IGSF11: variants seen among roughly 807,000 people sequenced by gnomAD.
IGSF11 encodes CXADR like 1.
In IGSF11, 22 loss-of-function variants were observed where a neutral mutation model predicts 41.0. That is an observed-to-expected ratio of 0.54 (90% CI 0.38 to 0.77). The LOEUF is 0.77. IGSF11 is among the 30% of genes least tolerant of loss of function. The pLI is 0.00. For missense variants in IGSF11, 444 were observed against 530.8 expected, an observed-to-expected ratio of 0.84 and a Z score of 1.61; for synonymous variants, 219 against 201.3, an observed-to-expected ratio of 1.09 and a Z score of -0.74.
intron 1 of IGSF11, among the ~76,000 whole-genome samples, chr3:119,118,543 C>T (rs937635286): frequency 1.3e-5 from 2 of 152,244 alleles, no homozygotes; most frequent in African/African-American, 4.8e-5. Context: ...GCCTCCAGGC[C>T]TCTGATGGGA....
chr3:119,110,221 G>T (rs1372895249), upstream of IGSF11, among the ~76,000 whole-genome samples: 1 of 152,064 alleles, frequency 6.6e-6, no homozygotes, highest in Non-Finnish European at 1.5e-5. Flanking sequence ...TTGTGTGGGA[G>T]TCTAAGTCTC....
At chr3:119,106,850 T>C (rs9854163), upstream of IGSF11, among the ~76,000 whole-genome samples, 25,556 of 152,064 alleles carry the variant, frequency 0.17, 2,625 homozygotes, top group Non-Finnish European at 0.24. Flanking sequence ...TGGTTTTTTG[T>C]CCTTGAGATA....
intron 1 of IGSF11, among the ~76,000 whole-genome samples, chr3:119,040,383 T>C (rs1229052166): frequency 6.6e-6 from 1 of 152,196 alleles, no homozygotes; most frequent in Non-Finnish European, 1.5e-5. Context: ...CTGGGGAGAC[T>C]GATTTGAGTA....
At chr3:119,102,654 G>T (rs1462513204) in intron 1 of IGSF11, among the ~76,000 whole-genome samples, 1 of 151,734 alleles carries the variant, frequency 6.6e-6, no homozygotes, top group Non-Finnish European at 1.5e-5. Context: ...GTTATATATT[G>T]GACCTCCTCA....
chr3:119,045,790 G>A (rs910128107), intron 1 of IGSF11, among the ~76,000 whole-genome samples: 17 of 152,014 alleles, frequency 1.1e-4, no homozygotes, highest in Admixed American at 7.9e-4. Flanking sequence ...CACGCAGCTG[G>A]AGATCTGAGA....
At chr3:118,997,530 C>A (rs112667344) in intron 1 of IGSF11, among the ~76,000 whole-genome samples, 10,897 of 141,270 alleles carry the variant, frequency 0.077, 437 homozygotes, top group East Asian at 0.13. Flanking sequence ...TCTGCTGCCC[C>A]CCCCCAGCCA....
chr3:118,925,567 G>A lies in IGSF11; in HGVS notation c.580+534C>T, dbSNP rs181093157. Reference sequence around the variant, plus strand: ...TAAATTTAAGCAGCTGGGTTTACACGTAGAAATCATCCATGACCCTCAGTC... The same window carrying A: ...TAAATTTAAGCAGCTGGGTTTACACATAGAAATCATCCATGACCCTCAGTC... On this transcript the variant is annotated intron_variant, in intron 4 of 6. Coordinates refer to ENST00000393775, the MANE Select transcript of IGSF11 (RefSeq NM_001015887.3). Among the ~76,000 whole-genome samples, 15 of 152,200 alleles carry A rather than the reference G, an allele frequency of 9.9e-5. 1 individual carries two copies. The East Asian group carries it at 1.2e-3, about 12-fold the overall frequency.
intron 4 of IGSF11, among the ~76,000 whole-genome samples, chr3:118,912,851 T>C (rs1003668407): frequency 2.0e-5 from 3 of 151,968 alleles, no homozygotes; most frequent in South Asian, 2.1e-4. Flanking sequence ...AACATAGAAA[T>C]AGCCAGGTGC....
intron 1 of IGSF11, among the ~76,000 whole-genome samples, chr3:119,046,989 G>A (rs1254621312): frequency 3.5e-5 from 5 of 143,376 alleles, no homozygotes; most frequent in Admixed American, 2.2e-4. Flanking sequence ...AAGAGCTCCC[G>A]AAGGAAGCGC....
chr3:119,129,248 G>A (rs141791481), intron 1 of IGSF11, among the ~76,000 whole-genome samples: 189 of 152,076 alleles, frequency 1.2e-3, no homozygotes, highest in African/African-American at 4.5e-3. Context: ...TACCAAACCA[G>A]CCCGTTCTGC....
intron 1 of IGSF11, among the ~76,000 whole-genome samples, chr3:119,115,482 T>A (rs2077242933): frequency 6.6e-6 from 1 of 152,236 alleles, no homozygotes; most frequent in Non-Finnish European, 1.5e-5. Context: ...AGTTTTGATT[T>A]GCATTTCTCT....
At chr3:119,087,465 C>T (rs1349631914) in intron 1 of IGSF11, among the ~76,000 whole-genome samples, 1 of 151,532 alleles carries the variant, frequency 6.6e-6, no homozygotes, top group Non-Finnish European at 1.5e-5. Context: ...GAAATAATGA[C>T]ATACACAGCA....
chr3:118,963,092 T>C (rs572804735), intron 1 of IGSF11, among the ~76,000 whole-genome samples: 15 of 152,288 alleles, frequency 9.8e-5, no homozygotes, highest in African/African-American at 2.9e-4. Context: ...CTCTGGGCTC[T>C]GGTGAACTAT....
intron 1 of IGSF11, among the ~76,000 whole-genome samples, chr3:119,033,642 G>A (rs537244915): frequency 6.6e-6 from 1 of 152,122 alleles, no homozygotes; most frequent in East Asian, 1.9e-4. Flanking sequence ...AAAAAACAGG[G>A]TTAACCACAA....
chr3:119,041,607 A>T (rs1941120609), intron 1 of IGSF11, among the ~76,000 whole-genome samples: 1 of 152,178 alleles, frequency 6.6e-6, no homozygotes, highest in African/African-American at 2.4e-5. Context: ...AAAAAAGAAT[A>T]AAAAAGGAGA....
rs917615725 is a variant in IGSF11, at chr3:118,945,425, T to C, written c.53-15150A>G. Among the ~76,000 whole-genome samples, 5 of 152,288 alleles carry C rather than the reference T, an allele frequency of 3.3e-5. 1 individual carries two copies. Among genetic ancestry groups the C allele is most frequent in the East Asian group, 1.9e-4 (1 of 5,188 alleles). Reference sequence around the variant, plus strand: ...TTACATATCTATGCTTTCCACCCTGTCACCTCAGAGTAGTCAAAAAACTTC... The same window carrying C: ...TTACATATCTATGCTTTCCACCCTGCCACCTCAGAGTAGTCAAAAAACTTC... On this transcript the variant is annotated intron_variant, in intron 1 of 6. Coordinates refer to ENST00000393775, the MANE Select transcript of IGSF11 (RefSeq NM_001015887.3).
intron 1 of IGSF11, among the ~76,000 whole-genome samples, chr3:119,030,220 C>T (rs1250228194): frequency 6.6e-6 from 1 of 152,138 alleles, no homozygotes; most frequent in African/African-American, 2.4e-5. Context: ...TTATTGAATA[C>T]ACTTTGTCCA....
At chr3:118,940,015 G>A (rs1439723601) in intron 1 of IGSF11, among the ~76,000 whole-genome samples, 1 of 152,022 alleles carries the variant, frequency 6.6e-6, no homozygotes, top group Non-Finnish European at 1.5e-5. Context: ...TGAAAGAAGA[G>A]ACATAATTAC....
chr3:119,079,465 A>G, intron 1 of IGSF11, among the ~76,000 whole-genome samples: 1 of 152,226 alleles, frequency 6.6e-6, no homozygotes, highest in Admixed American at 6.5e-5. Context: ...CCACTGTGGA[A>G]AGCAGTTTGG....
Sources: allele counts gnomAD v4.1 joint callset (sites outside exome capture counted in the v4.1 genomes callset), GRCh38; gene constraint gnomAD v4.1.1; transcripts MANE v1.5; gene names NCBI Gene and HGNC (gene_info 2026-07-23, HGNC 2026-07-21).